KRT1: variants seen among roughly 807,000 people sequenced by gnomAD.
KRT1 encodes the protein keratin 1, also known as keratin, type II cytoskeletal 1.
Under a neutral mutation model 51.6 loss-of-function variants are expected in KRT1, and 28 were observed. The observed-to-expected ratio is 0.54, with a 90% CI of 0.40 to 0.74. KRT1 has a LOEUF of 0.74. Ranked by LOEUF, KRT1 falls within the 30% of genes least tolerant of loss-of-function variation. The probability of loss-of-function intolerance (pLI) is 0.00; values close to 1 mark genes in which losing one functional copy is unlikely to be tolerated. For synonymous variants in KRT1, 301 were observed against 307.7 expected, an observed-to-expected ratio of 0.98 and a Z score of 0.23; for missense variants, 783 against 815.5, an observed-to-expected ratio of 0.96 and a Z score of 0.49.
At position 52,675,600 on chromosome 12, in the gene KRT1, T is replaced by C. The variant is rs761181439; in HGVS notation, c.1528A>G (p.Thr510Ala). Residue 510 changes from threonine (T) to alanine (A), a missense_variant, in exon 9 of 9, where the codon ACC becomes GCC. Thr to Ala is a moderately conservative substitution (Grantham distance 58). Transcript: ENST00000252244. The part of the protein sequence containing the change: ...NVSVSVSTSH[T>A]TISGGGSRGG... ...CGGCTGCCACCTCCACTGATGGTGG[T>C]GTGGCTTGTGCTCACAGCTGCAAGA... 1 of 1,614,224 alleles carries C rather than the reference T, an allele frequency of 6.2e-7. No homozygotes were observed. The highest frequency in any genetic ancestry group is 8.5e-7 in the Non-Finnish European group (1 of 1,180,054).
Position 52,675,260 on chromosome 12 carries a change from A to T in KRT1, c.1868T>A (p.Val623Asp). 5 of 1,613,876 alleles carry T rather than the reference A, an allele frequency of 3.1e-6. No homozygotes were observed. Among genetic ancestry groups the T allele is most frequent in the Non-Finnish European group, 3.4e-6 (4 of 1,180,016 alleles). ...IGGRGSSSGG[V>D]KSSGGSSSVK... is the part of the protein sequence containing the mutation. ...GCTGGAACTGCCACCAGAGGACTTG[A>T]CACCCCCAGAGCTGGATCCCCGGCC... The change falls in exon 9 of 9, where the codon GTC becomes GAC. Residue 623 changes from valine (V) to aspartate (D), a missense_variant. Physicochemically the swap from Val to Asp is radical, Grantham distance 152. Coordinates refer to ENST00000252244, the MANE Select transcript of KRT1 (RefSeq NM_006121.4).
chr12:52,680,301 G>GC lies in KRT1; in HGVS notation c.47dup (p.Phe17LeufsTer39). 6.2e-7 allele frequency: 1 copy of GC among 1,614,162 alleles called. No homozygotes were observed. The highest frequency in any genetic ancestry group is 1.1e-5 in the South Asian group (1 of 91,078). ...TGATCCCAGCAGAGCCAGAGCTGAA[G>GC]CCCCCTCCACTTCGGTACCCAGACC... On this transcript the variant is annotated frameshift_variant, in exon 1 of 9. Coordinates refer to ENST00000252244, the MANE Select transcript of KRT1 (RefSeq NM_006121.4). LOFTEE classifies it high-confidence loss of function.
chr12:52,675,670 A>G (rs1403953894), intron 8 of KRT1, 40 bp downstream of exon 8: 1 of 1,614,092 alleles, frequency 6.2e-7, no homozygotes, highest in Non-Finnish European at 8.5e-7. Flanking sequence ...CCAGCCCAAC[A>G]AAGCCTGCAC....
chr12:52,678,519 A>C, intron 2 of KRT1, 23 bp downstream of exon 2: 1 of 1,611,482 alleles, frequency 6.2e-7, no homozygotes, highest in South Asian at 1.1e-5. Context: ...AAAGTTAAGA[A>C]CTGCCCAGAC....
intron 5 of KRT1, 62 bp downstream of exon 5, chr12:52,677,254 A>G: frequency 1.9e-6 from 3 of 1,614,214 alleles, no homozygotes; most frequent in Non-Finnish European, 2.5e-6. Flanking sequence ...CATACATGAG[A>G]TAACACAGGA....
Position 52,679,872 on chromosome 12 carries a change from C to A in KRT1, c.477G>T (p.Gln159His). Reference sequence around the variant, plus strand: ...CCACATTGAGGGGCTGAAGAAGGCTCTGGTTGATAGTGACTTCTTGTATGC... The same window carrying A: ...CCACATTGAGGGGCTGAAGAAGGCTATGGTTGATAGTGACTTCTTGTATGC... ...PGGIQEVTIN[Q>H]SLLQPLNVEI... Residue 159 changes from glutamine (Q) to histidine (H), a missense_variant, in exon 1 of 9, where the codon CAG (glutamine) becomes CAT (histidine). Physicochemically the swap from Gln to His is conservative, Grantham distance 24. Coordinates refer to ENST00000252244, the MANE Select transcript of KRT1 (RefSeq NM_006121.4). 2.5e-6 allele frequency: 4 copies of A among 1,614,170 alleles called. No individual in the cohort carries two copies. Among genetic ancestry groups the A allele is most frequent in the Non-Finnish European group, 3.4e-6 (4 of 1,180,036 alleles).
chr12:52,679,723 G>A (rs766418051), intron 1 of KRT1, 35 bp downstream of exon 1: 38 of 1,578,752 alleles, frequency 2.4e-5, no homozygotes, highest in South Asian at 4.4e-5. Flanking sequence ...GTGGACCAGC[G>A]GCAGCCCTAC....
At chr12:52,677,208 T>C in intron 5 of KRT1, 24 bp from the exon 6 acceptor site, 1 of 1,614,182 alleles carries the variant, frequency 6.2e-7, no homozygotes, top group Non-Finnish European at 8.5e-7. Flanking sequence ...ATAGCGTTTG[T>C]TAAATGTAGG....
rs751974882 is a variant in KRT1 at position 52,675,334 on chromosome 12, G to A, written c.1794C>T (p.Ser598=). The A allele has an allele frequency of 6.2e-7, 1 of 1,610,432 alleles. No homozygotes were observed. The highest frequency in any genetic ancestry group is 1.1e-5 in the South Asian group (1 of 90,714). The change falls in exon 9 of 9, where the codon AGC becomes AGT. Residue 598 remains serine, a synonymous_variant. Transcript: ENST00000252244. ...RGGSGGGGGG[S]SGGRGSGGGS... ...CGCCGCCAGAGCCCCGGCCGCCAGA[G>A]CTGCCGCCGCCGCCGCCTCCAGAGC...
chr12:52,678,014 A>T, intron 3 of KRT1, 149 bp downstream of exon 3: 1 of 791,402 alleles, frequency 1.3e-6, no homozygotes, highest in South Asian at 1.5e-5. Flanking sequence ...GTCCAGGTCC[A>T]TGATGATGTG....
At chr12:52,679,192 T>TA (rs897576576) in intron 1 of KRT1, among the ~76,000 whole-genome samples, 1 of 151,962 alleles carries the variant, frequency 6.6e-6, no homozygotes, top group Non-Finnish European at 1.5e-5. Flanking sequence ...AGCAAAAAAT[T>TA]AAAAAAATGG....
chr12:52,679,739 C>CA lies in KRT1; in HGVS notation c.591+18dup. ...TGGACCAGCGGCAGCCCTACCAGTG[C>CA]AATGAGAGAGAAACTCACCTTGTCA... On this transcript the variant is annotated intron_variant, in intron 1 of 8. Coordinates refer to ENST00000252244, the MANE Select transcript of KRT1 (RefSeq NM_006121.4). The CA allele has an allele frequency of 6.2e-7, 1 of 1,607,878 alleles. No homozygotes were observed. Among genetic ancestry groups the CA allele is most frequent in the Non-Finnish European group, 8.5e-7 (1 of 1,174,358 alleles).
In KRT1 at chr12:52,678,124, T is replaced by C. The variant is rs777945905; in HGVS notation, c.867+39A>G. 5 of 1,599,352 alleles carry C rather than the reference T, an allele frequency of 3.1e-6. No homozygotes were observed. The African/African-American group carries it at 6.7e-5, about 21-fold the overall frequency. On this transcript the variant is annotated intron_variant, in intron 3 of 8. Coordinates refer to ENST00000252244, the MANE Select transcript of KRT1 (RefSeq NM_006121.4). ...TAATTGGAGACCCTCTTCCCTTATT[T>C]ATTTCAAATGTGAGTTCCGTCCTAC...
In KRT1 at chr12:52,678,304, C is replaced by T. The variant is rs1941540184; in HGVS notation, c.807-81G>A. The T allele has an allele frequency of 2.2e-6, 3 of 1,350,484 alleles. No individual in the cohort carries two copies. In the Admixed American group the frequency reaches 5.2e-5, roughly 23 times the overall value. The allele number at this position is 1,350,484 out of a possible 1,614,324, so 83.7% of individuals were successfully genotyped here. A position where few individuals can be genotyped will look rare whatever the true frequency, so the allele number is the denominator to read the frequency against. ...GCATTCTAAACTAAAGGTGGCATTGCCTATCACTGCCTTTCTATTATGAAC... is the reference window on the plus strand; with the variant it reads ...GCATTCTAAACTAAAGGTGGCATTGTCTATCACTGCCTTTCTATTATGAAC... On this transcript the variant is annotated intron_variant, in intron 2 of 8. Coordinates refer to ENST00000252244, the MANE Select transcript of KRT1 (RefSeq NM_006121.4).
rs762455418 is a variant in KRT1 at position 52,678,158 on chromosome 12, C to T, written c.867+5G>A. Reference sequence around the variant, plus strand: ...TGTGAGTTCCGTCCTACAGAATTTGCTTACCTTCTTGATGGTCACAAATTC... The same window carrying T: ...TGTGAGTTCCGTCCTACAGAATTTGTTTACCTTCTTGATGGTCACAAATTC... On this transcript the variant is annotated splice_donor_5th_base_variant and intron_variant, in intron 3 of 8. Transcript: ENST00000252244. 1.9e-6 allele frequency: 3 copies of T among 1,613,880 alleles called. No individual in the cohort carries two copies. The highest frequency in any genetic ancestry group is 2.2e-5 in the South Asian group (2 of 91,070).
At position 52,675,105 on chromosome 12, in the gene KRT1, G is replaced by C; in HGVS notation, c.*88C>G. On this transcript the variant is annotated 3_prime_UTR_variant, in exon 9 of 9. Transcript: ENST00000252244. Reference sequence around the variant, plus strand: ...AACCATAGCTCTTTTCTCCGGTAAGGCTGGGACAAATCGACCTCGGTCTTG... The same window carrying C: ...AACCATAGCTCTTTTCTCCGGTAAGCCTGGGACAAATCGACCTCGGTCTTG... 2 of 1,512,334 alleles carry C rather than the reference G, an allele frequency of 1.3e-6. No homozygotes were observed. Among genetic ancestry groups the C allele is most frequent in the South Asian group, 1.1e-5 (1 of 88,890 alleles). The allele number at this position is 1,512,334 out of a possible 1,614,324, so 93.7% of individuals were successfully genotyped here. A position where few individuals can be genotyped will look rare whatever the true frequency, so the allele number is the denominator to read the frequency against.
rs1347712604 is a variant in KRT1, at chr12:52,679,886, C to T, written c.463G>A (p.Val155Ile). Residue 155 changes from valine (V) to isoleucine (I), a missense_variant, in exon 1 of 9, where the codon GTC becomes ATC. Val to Ile is a conservative substitution (Grantham distance 29). Coordinates refer to ENST00000252244, the MANE Select transcript of KRT1 (RefSeq NM_006121.4). ...TGAAGAAGGCTCTGGTTGATAGTGA[C>T]TTCTTGTATGCCACCAGGAGGGCAG... ...PVCPPGGIQEVTINQSLLQPL... is the reference protein window; with the variant it reads ...PVCPPGGIQEITINQSLLQPL... The T allele has an allele frequency of 1.9e-6, 3 of 1,614,100 alleles. No homozygotes were observed. Among genetic ancestry groups the T allele is most frequent in the Admixed American group, 1.7e-5 (1 of 60,016 alleles).
rs147622831 is a variant in KRT1 at position 52,678,764 on chromosome 12, C to T, written c.592-8G>A. 4.4e-3 allele frequency: 7,051 copies of T among 1,612,820 alleles called. 19 individuals carry two copies. The highest frequency in any genetic ancestry group is 5.4e-3 in the Non-Finnish European group (6,362 of 1,179,514). On this transcript the variant is annotated splice_region_variant and splice_polypyrimidine_tract_variant and intron_variant, in intron 1 of 8. Coordinates refer to ENST00000252244, the MANE Select transcript of KRT1 (RefSeq NM_006121.4). ...CTGCTCCAGGAACCTCACCTAAAAA[C>T]ACAAGACCCCTTTACTCCTGATGCA...
chr12:52,678,060 A>G (rs1430765241), intron 3 of KRT1, 103 bp downstream of exon 3: 4 of 1,086,014 alleles, frequency 3.7e-6, no homozygotes, highest in African/African-American at 1.5e-5. Context: ...CCCCAGGTCT[A>G]CTACCTGGCT....
Sources: allele counts gnomAD v4.1 joint callset (sites outside exome capture counted in the v4.1 genomes callset), GRCh38; gene constraint gnomAD v4.1.1; transcripts MANE v1.5; gene names NCBI Gene and HGNC (gene_info 2026-07-23, HGNC 2026-07-21).